Variants in CD200R1L observed in about 807,000 individuals in gnomAD.
CD200R1L encodes CD200 receptor 1 like.
Under a neutral mutation model 24.8 loss-of-function variants are expected in CD200R1L, and 14 were observed. That is an observed-to-expected ratio of 0.56 (90% confidence interval 0.37 to 0.88). The LOEUF is 0.88. CD200R1L is among the 40% of genes least tolerant of loss of function. CD200R1L has a pLI of 0.00. For missense variants in CD200R1L, 299 were observed against 297.8 expected, an observed-to-expected ratio of 1.00 and a Z score of -0.03; for synonymous variants, 111 against 109.2, an observed-to-expected ratio of 1.02 and a Z score of -0.11.
chr3:112,823,020 G>A (rs1327070816), intron 6 of CD200R1L, among the ~76,000 whole-genome samples: 1 of 152,040 alleles, frequency 6.6e-6, no homozygotes, highest in Admixed American at 6.6e-5. Context: ...TCTTAAAATT[G>A]GAAAGGAAAT....
rs200807679 is a variant in CD200R1L, at chr3:112,829,411, C to T, written c.-17-27G>A. The T allele has an allele frequency of 5.6e-5, 90 of 1,595,818 alleles. 1 individual carries two copies. Among genetic ancestry groups the T allele is most frequent in the Non-Finnish European group, 6.9e-5 (80 of 1,163,898 alleles). The stretch of plus-strand genomic sequence containing the variant: ...TAGAAAACATTTAGAGAAGAATAAG[C>T]GAAATCAATTTTATGTACTCAGAAT... On this transcript the variant is annotated intron_variant, in intron 3 of 7. Coordinates refer to ENST00000488794, the MANE Select transcript of CD200R1L (RefSeq NM_001199215.3).
chr3:112,818,570 T>C (rs1471584486), intron 7 of CD200R1L, among the ~76,000 whole-genome samples: 2 of 152,256 alleles, frequency 1.3e-5, no homozygotes, highest in Admixed American at 6.5e-5. Flanking sequence ...ACTAGCTGAC[T>C]TGCAGACAGT....
At chr3:112,832,125 T>C (rs567896935) in intron 3 of CD200R1L, among the ~76,000 whole-genome samples, 1 of 152,334 alleles carries the variant, frequency 6.6e-6, no homozygotes, top group African/African-American at 2.4e-5. Flanking sequence ...AAAGAACCTA[T>C]GACCATGTGT....
At chr3:112,829,039 T>A (rs1393458592) in intron 4 of CD200R1L, among the ~76,000 whole-genome samples, 1 of 152,226 alleles carries the variant, frequency 6.6e-6, no homozygotes, top group African/African-American at 2.4e-5. Context: ...CATAACCAGA[T>A]GCAGAAAGAA....
chr3:112,830,629 CAG>C (rs888710825), intron 3 of CD200R1L, among the ~76,000 whole-genome samples: 2 of 149,310 alleles, frequency 1.3e-5, no homozygotes, highest in African/African-American at 4.9e-5. Flanking sequence ...GGGATGGCAA[CAG>C]AGCATAGCCT....
intron 6 of CD200R1L, among the ~76,000 whole-genome samples, chr3:112,820,996 G>T (rs1484955282): frequency 1.3e-5 from 2 of 151,336 alleles, no homozygotes; most frequent in Admixed American, 1.3e-4. Flanking sequence ...GGCAGAGGTT[G>T]CAGTGAGCTG....
chr3:112,816,112 A>G (rs1938383626), intron 7 of CD200R1L, 137 bp from the exon 8 acceptor site: 2 of 631,072 alleles, frequency 3.2e-6, no homozygotes, highest in South Asian at 3.9e-5. Flanking sequence ...GAGTTATGCT[A>G]TTAATCAATG....
intron 2 of CD200R1L, chr3:112,841,176 C>A (rs368635624): frequency 3.1e-6 from 1 of 324,660 alleles, no homozygotes; most frequent in African/African-American, 2.2e-5. Context: ...TTAGCACCCT[C>A]CCCCTAGTGC....
intron 2 of CD200R1L, among the ~76,000 whole-genome samples, chr3:112,845,275 T>C (rs980515858): frequency 6.6e-6 from 1 of 152,158 alleles, no homozygotes; most frequent in Admixed American, 6.5e-5. Context: ...GCACACACAC[T>C]AGAAAAATCT....
intron 2 of CD200R1L, among the ~76,000 whole-genome samples, chr3:112,839,095 A>C (rs1165775492): frequency 6.6e-6 from 1 of 152,146 alleles, no homozygotes; most frequent in African/African-American, 2.4e-5. Context: ...ATAAATATAC[A>C]TACTTTCCAT....
At chr3:112,822,475 T>C (rs1470222813) in intron 6 of CD200R1L, among the ~76,000 whole-genome samples, 2 of 152,130 alleles carry the variant, frequency 1.3e-5, no homozygotes, top group African/African-American at 2.4e-5. Flanking sequence ...ACCTATGTAA[T>C]AGAGCCTCCA....
intron 6 of CD200R1L, among the ~76,000 whole-genome samples, chr3:112,826,024 C>T (rs1353592186): frequency 1.3e-5 from 2 of 151,954 alleles, no homozygotes; most frequent in African/African-American, 2.4e-5. Context: ...AATGGTCACA[C>T]AAGCATTGAA....
intron 2 of CD200R1L, among the ~76,000 whole-genome samples, chr3:112,840,062 G>A (rs1373811614): frequency 1.3e-5 from 2 of 152,138 alleles, no homozygotes; most frequent in African/African-American, 4.8e-5. Context: ...ATATGTATAG[G>A]AATGAATATT....
At chr3:112,817,854 A>G (rs1447236065) in intron 7 of CD200R1L, among the ~76,000 whole-genome samples, 1 of 152,248 alleles carries the variant, frequency 6.6e-6, no homozygotes, top group African/African-American at 2.4e-5. Context: ...TGGAACAAAA[A>G]GAGGTTTAAT....
At chr3:112,816,855 T>A (rs774714102) in intron 7 of CD200R1L, among the ~76,000 whole-genome samples, 1 of 152,094 alleles carries the variant, frequency 6.6e-6, no homozygotes, top group Non-Finnish European at 1.5e-5. Flanking sequence ...GTGTCATGAG[T>A]TCTGATGGTT....
chr3:112,833,061 A>G (rs960634175), intron 3 of CD200R1L, among the ~76,000 whole-genome samples: 2 of 152,258 alleles, frequency 1.3e-5, no homozygotes, highest in Non-Finnish European at 2.9e-5. Context: ...TGAAGTTTCT[A>G]GTAGGCCAGT....
chr3:112,845,845 G>A lies in CD200R1L; in HGVS notation c.-253C>T, dbSNP rs1477081204. ...CTTTTGCTTATTCTGTCTTCAACAG[G>A]ATTGCAAAACATATTTCTTCATTAT... is the stretch of plus-strand genomic sequence containing the variant. On this transcript the variant is annotated 5_prime_UTR_variant, in exon 2 of 8. Coordinates refer to ENST00000488794, the MANE Select transcript of CD200R1L (RefSeq NM_001199215.3). 4.1e-6 allele frequency: 3 copies of A among 729,874 alleles called. No homozygotes were observed. Among genetic ancestry groups the A allele is most frequent in the Non-Finnish European group, 7.0e-6 (3 of 425,828 alleles). 45.2% of individuals were successfully genotyped at this position (729,874 alleles called of 1,614,324 possible). A position where few individuals can be genotyped will look rare whatever the true frequency, so the allele number is the denominator to read the frequency against.
intron 3 of CD200R1L, among the ~76,000 whole-genome samples, chr3:112,830,144 T>C (rs1938762377): frequency 6.6e-6 from 1 of 152,150 alleles, no homozygotes; most frequent in African/African-American, 2.4e-5. Flanking sequence ...AATCTTAACA[T>C]AAAGAATATG....
chr3:112,846,342 T>C (rs1939201010), intron 1 of CD200R1L, among the ~76,000 whole-genome samples: 1 of 152,274 alleles, frequency 6.6e-6, no homozygotes, highest in South Asian at 2.1e-4. Context: ...TTTTTAATGC[T>C]GTATAGTAAA....
Sources: gnomAD v4.1 joint callset for allele counts (sites outside exome capture counted in the v4.1 genomes callset) on GRCh38, gnomAD v4.1.1 for gene constraint, MANE v1.5 for transcripts, NCBI Gene and HGNC (gene_info 2026-07-23, HGNC 2026-07-21) for gene names.